Variants in POLI observed in about 807,000 individuals in gnomAD.
The protein encoded by POLI is RAD30 homolog B.
In POLI, 58 loss-of-function variants were observed where a neutral mutation model predicts 51.6. The observed-to-expected ratio is 1.12, with a 90% CI of 0.91 to 1.40. The LOEUF is 1.40. Among genes scored for constraint, POLI ranks in the 40% most tolerant of loss-of-function variants. The pLI, the probability that POLI is intolerant of heterozygous loss-of-function variation, is 0.00. For missense variants in POLI, 921 were observed against 871.3 expected, an observed-to-expected ratio of 1.06 and a Z score of -0.72; for synonymous variants, 322 against 299.7, an observed-to-expected ratio of 1.07 and a Z score of -0.77.
chr18:54,317,707 T>A (rs1555679345), intron 3 of POLI, among the ~76,000 whole-genome samples: 2 of 151,736 alleles, frequency 1.3e-5, no homozygotes, highest in Non-Finnish European at 2.9e-5. Flanking sequence ...TTACAAAAAT[T>A]AAAAAAAATT....
intron 2 of POLI, 49 bp from the exon 3 acceptor site, chr18:54,273,877 A>T (rs1272541392): frequency 1.0e-6 from 1 of 1,001,782 alleles, no homozygotes; most frequent in East Asian, 2.9e-5. Flanking sequence ...AATATCTTTA[A>T]ATGTTTTCTT....
Position 54,269,592 on chromosome 18 carries a change from G to A in POLI, c.46G>A (p.Asp16Asn). 2.0e-6 allele frequency: 3 copies of A among 1,500,016 alleles called. No individual in the cohort carries two copies. The highest frequency in any genetic ancestry group is 2.7e-6 in the Non-Finnish European group (3 of 1,127,972). 92.9% of individuals were successfully genotyped at this position (1,500,016 alleles called of 1,614,324 possible). ...VEPEEEGGGD[D>N]DEEDAEAWAM... ...GCCGGAGGAGGAAGGCGGCGGCGAC[G>A]ACGACGAGGAAGACGCCGAGGCCTG... Residue 16 changes from aspartate (D) to asparagine (N), a missense_variant, in exon 1 of 10, where the codon GAC (aspartate) becomes AAC (asparagine). Physicochemically the swap from Asp to Asn is conservative, Grantham distance 23 (BLOSUM62 1). Transcript: ENST00000579534.
intron 3 of POLI, among the ~76,000 whole-genome samples, chr18:54,307,364 G>T (rs1033730199): frequency 6.6e-6 from 1 of 152,186 alleles, no homozygotes; most frequent in Non-Finnish European, 1.5e-5. Context: ...TCAGGAGCAG[G>T]TTGTTCAGTT....
downstream of POLI, among the ~76,000 whole-genome samples, chr18:54,302,220 G>T (rs955710004): frequency 2.5e-4 from 38 of 152,240 alleles, no homozygotes; most frequent in Admixed American, 7.8e-4. Flanking sequence ...TGTCTGTCTG[G>T]CTGGCTGTGT....
At chr18:54,273,675 T>G (rs1358107491) in intron 2 of POLI, among the ~76,000 whole-genome samples, 1 of 152,064 alleles carries the variant, frequency 6.6e-6, no homozygotes, top group Non-Finnish European at 1.5e-5. Flanking sequence ...AACTAGAGAT[T>G]AAAAGTGGGG....
At chr18:54,317,829 C>A (rs969760095) in intron 3 of POLI, among the ~76,000 whole-genome samples, 1 of 152,182 alleles carries the variant, frequency 6.6e-6, no homozygotes, top group Non-Finnish European at 1.5e-5. Flanking sequence ...CATACCACTG[C>A]ACTCAAGCCT....
In POLI at chr18:54,269,606, C is replaced by T; in HGVS notation, c.60C>T (p.Asp20=). The T allele has an allele frequency of 1.3e-6, 2 of 1,504,640 alleles. No homozygotes were observed. Among genetic ancestry groups the T allele is most frequent in the African/African-American group, 1.5e-5 (1 of 68,392 alleles). 93.2% of individuals were successfully genotyped at this position (1,504,640 alleles called of 1,614,324 possible). ...EEGGGDDDEE[D]AEAWAMELAD... is the part of the protein sequence containing the mutation. ...GCGGCGGCGACGACGACGAGGAAGA[C>T]GCCGAGGCCTGGGCCATGGAACTGG... Residue 20 remains aspartate (D), a synonymous_variant, in exon 1 of 10, where the codon GAC becomes GAT. Transcript: ENST00000579534.
At chr18:54,279,758 T>G (rs1041315284) in intron 4 of POLI, among the ~76,000 whole-genome samples, 6 of 152,210 alleles carry the variant, frequency 3.9e-5, no homozygotes, top group African/African-American at 1.2e-4. Flanking sequence ...TAAAGCAAAT[T>G]TATTTTTATA....
intron 3 of POLI, 44 bp downstream of exon 3, chr18:54,274,134 A>T: frequency 5.0e-6 from 5 of 1,010,002 alleles, no homozygotes; most frequent in Non-Finnish European, 6.7e-6. Flanking sequence ...ATTTTTATGT[A>T]GGATGCCTGT....
In POLI at chr18:54,297,105, T is replaced by G; in HGVS notation, c.*2638T>G. The G allele has an allele frequency of 1.0e-6, 1 of 985,392 alleles. No individual in the cohort carries two copies. The highest frequency in any genetic ancestry group is 1.2e-6 in the Non-Finnish European group (1 of 829,906). The allele number at this position is 985,392 out of a possible 1,614,324, so 61.0% of individuals were successfully genotyped here. A position where few individuals can be genotyped will look rare whatever the true frequency, so the allele number is the denominator to read the frequency against. ...TTGTGGATCCTGATTGAATGCCTTG[T>G]CTTAAGTGTAAGCTCCCTGACCCTT... On this transcript the variant is annotated 3_prime_UTR_variant, in exon 10 of 10. Coordinates refer to ENST00000579534, the MANE Select transcript of POLI (RefSeq NM_007195.3).
chr18:54,272,117 A>C (rs1387564685), intron 2 of POLI: 1 of 152,186 alleles, frequency 6.6e-6, no homozygotes, highest in South Asian at 2.1e-4. Flanking sequence ...TTTTAGTGTA[A>C]GCATAAAGAA....
At chr18:54,272,655 G>A (rs764484881) in intron 2 of POLI, among the ~76,000 whole-genome samples, 11 of 150,830 alleles carry the variant, frequency 7.3e-5, no homozygotes, top group Non-Finnish European at 1.3e-4. Flanking sequence ...TGTATTTTTA[G>A]TAGAGACGGT....
At position 54,295,484 on chromosome 18, in the gene POLI, C is replaced by G; in HGVS notation, c.*1017C>G. On this transcript the variant is annotated 3_prime_UTR_variant, in exon 10 of 10. Transcript: ENST00000579534. ...TTATAGAATATACTAAAGTATCCCT[C>G]AGCACCAATATGGGAGTATCCTGGT... is the stretch of plus-strand genomic sequence containing the variant. 1.1e-6 allele frequency: 1 copy of G among 952,350 alleles called. No individual in the cohort carries two copies. The highest frequency in any genetic ancestry group is 1.8e-5 in the African/African-American group (1 of 56,604). 59.0% of individuals were successfully genotyped at this position (952,350 alleles called of 1,614,324 possible).
chr18:54,293,819 A>G lies in POLI; in HGVS notation c.1575A>G (p.Glu525=). The part of the protein sequence containing the change: ...INEFPLCSLP[E]GVDQEVFKQL... ...AATTCCCACTCTGTTCACTTCCTGA[A>G]GGTGTTGACCAAGAAGTCTTCAAGC... Residue 525 remains glutamate (E), a synonymous_variant, in exon 10 of 10, where the codon GAA becomes GAG. Transcript: ENST00000579534. The G allele has an allele frequency of 6.2e-7, 1 of 1,609,530 alleles. No individual in the cohort carries two copies. Among genetic ancestry groups the G allele is most frequent in the Non-Finnish European group, 8.5e-7 (1 of 1,177,312 alleles).
intron 3 of POLI, among the ~76,000 whole-genome samples, chr18:54,276,145 G>A (rs965974286): frequency 2.0e-5 from 3 of 151,914 alleles, no homozygotes; most frequent in African/African-American, 4.8e-5. Context: ...TTGGGAGGCT[G>A]TGGTGGGGTA....
chr18:54,305,442 C>A (rs548412494), intron 3 of POLI, among the ~76,000 whole-genome samples: 1 of 152,056 alleles, frequency 6.6e-6, no homozygotes, highest in Non-Finnish European at 1.5e-5. Context: ...TTTCATTGAG[C>A]AGTGGTTTGT....
intron 7 of POLI, 192 bp downstream of exon 7, chr18:54,284,205 T>C (rs980660688): frequency 7.3e-6 from 3 of 409,954 alleles, no homozygotes; most frequent in East Asian, 3.9e-5. Flanking sequence ...CTTACCTAAA[T>C]TGAATTCATT....
chr18:54,269,558 G>A lies in POLI; in HGVS notation c.12G>A (p.Leu4=). The A allele has an allele frequency of 6.6e-7, 1 of 1,503,914 alleles. No homozygotes were observed. Among genetic ancestry groups the A allele is most frequent in the Non-Finnish European group, 8.8e-7 (1 of 1,132,464 alleles). The allele number at this position is 1,503,914 out of a possible 1,614,324, so 93.2% of individuals were successfully genotyped here. A position where few individuals can be genotyped will look rare whatever the true frequency, so the allele number is the denominator to read the frequency against. Residue 4 remains leucine, a synonymous_variant, in exon 1 of 10, where the codon CTG becomes CTA. Coordinates refer to ENST00000579534, the MANE Select transcript of POLI (RefSeq NM_007195.3). MEK[L]GVEPEEEGGG... ...TTGGCAGCGGCGGGATGGAGAAGCTGGGGGTGGAGCCGGAGGAGGAAGGCG... is the reference window on the plus strand; with the variant it reads ...TTGGCAGCGGCGGGATGGAGAAGCTAGGGGTGGAGCCGGAGGAGGAAGGCG...
At chr18:54,280,187 A>G (rs1453263059) in intron 4 of POLI, among the ~76,000 whole-genome samples, 1 of 152,186 alleles carries the variant, frequency 6.6e-6, no homozygotes. Flanking sequence ...ATAAAGAAAA[A>G]AAGGTTTATT....
Sources: gnomAD v4.1 joint callset for allele counts (sites outside exome capture counted in the v4.1 genomes callset) on GRCh38, gnomAD v4.1.1 for gene constraint, MANE v1.5 for transcripts, NCBI Gene and HGNC (gene_info 2026-07-23, HGNC 2026-07-21) for gene names.